Variants in TSC22D2 observed in about 807,000 individuals in gnomAD.
The protein encoded by TSC22D2 is TSC22 domain family protein 2.
In TSC22D2, 5 loss-of-function variants were observed where a neutral mutation model predicts 50.1. The observed-to-expected ratio is 0.10, with a 90% confidence interval of 0.05 to 0.21. TSC22D2 has a LOEUF of 0.21. Ranked by LOEUF, TSC22D2 falls within the 10% of genes least tolerant of loss-of-function variation. The pLI is 1.00. For synonymous variants in TSC22D2, 501 were observed against 450.1 expected (o/e 1.11, Z -1.43); for missense variants, 1,003 against 1,015.5 (o/e 0.99, Z 0.17).
chr3:150,431,963 G>C (rs575360903), intron 1 of TSC22D2, among the ~76,000 whole-genome samples: 7 of 152,214 alleles, frequency 4.6e-5, no homozygotes, highest in Non-Finnish European at 8.8e-5. Flanking sequence ...ATTATGTATT[G>C]CTATCCTGTA....
Position 150,464,472 on chromosome 3 carries a change from C to T in TSC22D2, c.*5836C>T, listed in dbSNP as rs1470092503. 2.6e-5 allele frequency: 4 copies of T among 151,976 alleles called. No individual in the cohort carries two copies. Among genetic ancestry groups the T allele is most frequent in the Non-Finnish European group, 4.4e-5 (3 of 67,992 alleles). 9.4% of individuals were successfully genotyped at this position (151,976 alleles called of 1,614,324 possible). A position where few individuals can be genotyped will look rare whatever the true frequency, so the allele number is the denominator to read the frequency against. On this transcript the variant is annotated 3_prime_UTR_variant, in exon 3 of 3. Coordinates refer to ENST00000688009, the MANE Select transcript of TSC22D2 (RefSeq NM_001303264.2). ...ATTTAATTCTATTTCAATTTAGGTGCTGCAACCTGTACTGGATGTTTGGGG... is the reference window on the plus strand; with the variant it reads ...ATTTAATTCTATTTCAATTTAGGTGTTGCAACCTGTACTGGATGTTTGGGG...
intron 1 of TSC22D2, among the ~76,000 whole-genome samples, chr3:150,424,456 T>G (rs968853177): frequency 6.6e-6 from 1 of 152,146 alleles, no homozygotes; most frequent in Non-Finnish European, 1.5e-5. Context: ...GTCATGATGT[T>G]GATGTGAATG....
At chr3:150,438,403 A>T (rs1720616687) in intron 1 of TSC22D2, 1 of 196,736 alleles carries the variant, frequency 5.1e-6, no homozygotes, top group Non-Finnish European at 1.1e-5. Flanking sequence ...ATGTTATTGT[A>T]TTGAGATGAA....
Position 150,464,752 on chromosome 3 carries a change from G to A in TSC22D2, c.*6116G>A, listed in dbSNP as rs560039002. 6 of 152,178 alleles carry A rather than the reference G, an allele frequency of 3.9e-5. No individual in the cohort carries two copies. In the East Asian group the frequency reaches 1.2e-3, roughly 29 times the overall value. The allele number at this position is 152,178 out of a possible 1,614,324, so 9.4% of individuals were successfully genotyped here. ...TCAAATAATACTTTTAGAAGGAGGGGAAAAGCCTTCCACCTCGACATCGAG... is the reference window on the plus strand; with the variant it reads ...TCAAATAATACTTTTAGAAGGAGGGAAAAAGCCTTCCACCTCGACATCGAG... On this transcript the variant is annotated 3_prime_UTR_variant, in exon 3 of 3. Coordinates refer to ENST00000688009, the MANE Select transcript of TSC22D2 (RefSeq NM_001303264.2).
At position 150,410,231 on chromosome 3, in the gene TSC22D2, C is replaced by A. The variant is rs905901508; in HGVS notation, c.881C>A (p.Pro294Gln). Residue 294 changes from proline to glutamine, a missense_variant, in exon 1 of 3, where the codon CCG becomes CAG. Around this residue, in one of 6 missense-constraint regions of TSC22D2, gnomAD observed 696 missense variants for 647.8 expected, o/e 1.07. Transcript: ENST00000688009. ...AVAQSSAPLP[P>Q]FPGAATGPQP... is the part of the protein sequence containing the mutation. ...GCTCAAAGCTCGGCTCCGCTGCCGCCGTTCCCGGGAGCCGCGACCGGGCCG... is the reference window on the plus strand; with the variant it reads ...GCTCAAAGCTCGGCTCCGCTGCCGCAGTTCCCGGGAGCCGCGACCGGGCCG... The A allele has an allele frequency of 6.4e-7, 1 of 1,571,452 alleles. No homozygotes were observed.
chr3:150,462,358 T>C lies in TSC22D2; in HGVS notation c.*3722T>C, dbSNP rs1218319414. On this transcript the variant is annotated 3_prime_UTR_variant, in exon 3 of 3. Transcript: ENST00000688009. ...CAGAAAGCAAGAATGATTTATTGAATGGTTTTAAGCAATGGGATACTATGC... is the reference window on the plus strand; with the variant it reads ...CAGAAAGCAAGAATGATTTATTGAACGGTTTTAAGCAATGGGATACTATGC... 6.6e-6 allele frequency: 1 copy of C among 152,232 alleles called. No individual in the cohort carries two copies. The highest frequency in any genetic ancestry group is 1.5e-5 in the Non-Finnish European group (1 of 68,056). 9.4% of individuals were successfully genotyped at this position (152,232 alleles called of 1,614,324 possible). A position where few individuals can be genotyped will look rare whatever the true frequency, so the allele number is the denominator to read the frequency against.
chr3:150,448,758 GA>G, intron 1 of TSC22D2, among the ~76,000 whole-genome samples: 1 of 151,260 alleles, frequency 6.6e-6, no homozygotes. Context: ...GGCTCTACAA[GA>G]AAAAAGTAAT....
At chr3:150,422,185 T>C (rs779622534) in intron 1 of TSC22D2, among the ~76,000 whole-genome samples, 1 of 152,248 alleles carries the variant, frequency 6.6e-6, no homozygotes, top group Non-Finnish European at 1.5e-5. Context: ...TTAAAAGTTA[T>C]GTGGCAAAGT....
intron 1 of TSC22D2, among the ~76,000 whole-genome samples, chr3:150,442,535 T>A (rs1401650137): frequency 6.6e-6 from 1 of 152,240 alleles, no homozygotes; most frequent in Non-Finnish European, 1.5e-5. Context: ...TTGACCACTA[T>A]AAATTATTAC....
intron 1 of TSC22D2, among the ~76,000 whole-genome samples, chr3:150,453,979 G>A (rs1379031425): frequency 6.6e-6 from 1 of 151,992 alleles, no homozygotes; most frequent in Non-Finnish European, 1.5e-5. Context: ...CCTCACAATT[G>A]GCATATAATC....
intron 1 of TSC22D2, among the ~76,000 whole-genome samples, chr3:150,420,429 G>C (rs769053487): frequency 1.3e-5 from 2 of 152,192 alleles, no homozygotes; most frequent in Non-Finnish European, 2.9e-5. Flanking sequence ...CATAGATTGT[G>C]TAACTGTGTA....
At position 150,462,028 on chromosome 3, in the gene TSC22D2, T is replaced by C. The variant is rs1210441294; in HGVS notation, c.*3392T>C. The C allele has an allele frequency of 4.6e-5, 7 of 152,052 alleles. No individual in the cohort carries two copies. The highest frequency in any genetic ancestry group is 1.3e-4 in the Admixed American group (2 of 15,270). The allele number at this position is 152,052 out of a possible 1,614,324, so 9.4% of individuals were successfully genotyped here. A position where few individuals can be genotyped will look rare whatever the true frequency, so the allele number is the denominator to read the frequency against. ...TTGTGACATTTCTTTAATAATCCTATGAAAAGGACAAAACCCAGCCCTCAA... is the reference window on the plus strand; with the variant it reads ...TTGTGACATTTCTTTAATAATCCTACGAAAAGGACAAAACCCAGCCCTCAA... On this transcript the variant is annotated 3_prime_UTR_variant, in exon 3 of 3. Transcript: ENST00000688009.
rs538458966 is a variant in TSC22D2, at chr3:150,409,343, T to C, written c.-8T>C. The C allele has an allele frequency of 3.1e-6, 5 of 1,590,484 alleles. No individual in the cohort carries two copies. The Admixed American group carries it at 6.8e-5, about 22-fold the overall frequency. On this transcript the variant is annotated 5_prime_UTR_variant, in exon 1 of 3. Transcript: ENST00000688009. This position sits in a 1 kb window ranked among gnomAD's most constrained non-coding sequence, Gnocchi z 7.4. ...GGCGTGCCTCTCTGCCCTCCAGCCTTCTTCACCATGTCCAAGATGCCGGCC... is the reference window on the plus strand; with the variant it reads ...GGCGTGCCTCTCTGCCCTCCAGCCTCCTTCACCATGTCCAAGATGCCGGCC...
chr3:150,437,341 C>T (rs566233991), intron 1 of TSC22D2, among the ~76,000 whole-genome samples: 18 of 152,122 alleles, frequency 1.2e-4, no homozygotes, highest in Non-Finnish European at 1.3e-4. Flanking sequence ...CATTGTTATT[C>T]GGTTACATAA....
chr3:150,461,373 T>C lies in TSC22D2; in HGVS notation c.*2737T>C, dbSNP rs1266026287. On this transcript the variant is annotated 3_prime_UTR_variant, in exon 3 of 3. Coordinates refer to ENST00000688009, the MANE Select transcript of TSC22D2 (RefSeq NM_001303264.2). ...CTCCTGCTCCAAATAGTTGTAAATA[T>C]TAACTGATTGAGATCCCAATTTGGA... 2 of 152,204 alleles carry C rather than the reference T, an allele frequency of 1.3e-5. No homozygotes were observed. The highest frequency in any genetic ancestry group is 4.8e-5 in the African/African-American group (2 of 41,466). The allele number at this position is 152,204 out of a possible 1,614,324, so 9.4% of individuals were successfully genotyped here.
intron 1 of TSC22D2, among the ~76,000 whole-genome samples, chr3:150,443,094 A>G (rs561840975): frequency 1.8e-4 from 27 of 152,182 alleles, no homozygotes; most frequent in South Asian, 4.1e-4. Context: ...CTAACCACCT[A>G]TCCTATACTT....
intron 1 of TSC22D2, among the ~76,000 whole-genome samples, chr3:150,455,280 T>C (rs943141497): frequency 6.6e-6 from 1 of 152,214 alleles, no homozygotes; most frequent in Non-Finnish European, 1.5e-5. Flanking sequence ...TAAAGCGTTA[T>C]GGTTGACTTA....
intron 1 of TSC22D2, among the ~76,000 whole-genome samples, chr3:150,439,694 T>C (rs1401974616): frequency 6.6e-6 from 1 of 152,184 alleles, no homozygotes; most frequent in Non-Finnish European, 1.5e-5. Flanking sequence ...AGAGCATTTG[T>C]CAGATTTTCA....
chr3:150,422,486 T>A (rs754700637), intron 1 of TSC22D2, among the ~76,000 whole-genome samples: 35 of 152,110 alleles, frequency 2.3e-4, no homozygotes, highest in Non-Finnish European at 4.6e-4. Context: ...TGCAGCGCCA[T>A]TTTTTGCCCT....
Sources: allele counts gnomAD v4.1 joint callset (sites outside exome capture counted in the v4.1 genomes callset), GRCh38; gene constraint gnomAD v4.1.1; regional missense constraint gnomAD v4.1.1; non-coding constraint Gnocchi (gnomAD v3.1); transcripts MANE v1.5; gene names NCBI Gene and HGNC (gene_info 2026-07-23, HGNC 2026-07-21).